The following MRTFA variants were observed in gnomAD, a reference collection of about 807,000 sequenced individuals.
MRTFA encodes the protein myocardin related transcription factor A.
A neutral mutation model predicts 83.5 loss-of-function variants in MRTFA; 20 were observed. The ratio of observed to expected loss-of-function variants is 0.24; its 90% CI spans 0.17 to 0.35. The LOEUF is 0.35. Among genes scored for constraint, MRTFA ranks in the 10% least tolerant of loss-of-function variants. MRTFA has a pLI of 1.00. For synonymous variants in MRTFA, 659 were observed against 541.2 expected (o/e 1.22, Z -3.02); for missense variants, 1,200 against 1,224.7 (o/e 0.98, Z 0.30).
intron 1 of MRTFA, among the ~76,000 whole-genome samples, chr22:40,636,176 G>A (rs1316777305): frequency 6.6e-6 from 1 of 152,174 alleles, no homozygotes; most frequent in Non-Finnish European, 1.5e-5. Flanking sequence ...AGAAGCGAGG[G>A]CGAGGACCTC....
chr22:40,485,110 A>G (rs2054154304), intron 3 of MRTFA, among the ~76,000 whole-genome samples: 1 of 152,122 alleles, frequency 6.6e-6, no homozygotes, highest in African/African-American at 2.4e-5. Context: ...AAAGTGATCA[A>G]ATAATTCCTC....
At chr22:40,459,154 C>A (rs140187044) in intron 4 of MRTFA, among the ~76,000 whole-genome samples, 3 of 135,688 alleles carry the variant, frequency 2.2e-5, no homozygotes, top group Admixed American at 8.0e-5. Flanking sequence ...GGTGTTGGGG[C>A]GGCAGAGGAT....
intron 4 of MRTFA, among the ~76,000 whole-genome samples, chr22:40,454,784 T>C (rs1037791744): frequency 3.3e-5 from 5 of 152,178 alleles, no homozygotes; most frequent in Non-Finnish European, 7.3e-5. Context: ...TTCGTATGCA[T>C]GTATGTATAT....
chr22:40,485,308 T>C (rs148499728), intron 3 of MRTFA, among the ~76,000 whole-genome samples: 1 of 152,168 alleles, frequency 6.6e-6, no homozygotes. Context: ...AAAAATGAAT[T>C]TGATTTGTTT....
In MRTFA at chr22:40,424,373, C is replaced by T; in HGVS notation, c.610G>A (p.Val204Met). 6.2e-7 allele frequency: 1 copy of T among 1,613,268 alleles called. No homozygotes were observed. The highest frequency in any genetic ancestry group is 8.5e-7 in the Non-Finnish European group (1 of 1,179,626). The change falls in exon 8 of 15, where the codon GTG (valine) becomes ATG (methionine). Residue 204 changes from valine to methionine, a missense_variant. Val to Met is a conservative substitution (Grantham distance 21). This residue lies in a region of MRTFA where 93 missense variants were observed against 182.9 expected (regional missense o/e 0.51). Coordinates refer to ENST00000355630, the MANE Select transcript of MRTFA (RefSeq NM_020831.6). ...CTGTCTGCTACTTTGGGATAGTTCA[C>T]CTGGCCCACTGAAACCCAAAGCTGG...
intron 2 of MRTFA, among the ~76,000 whole-genome samples, chr22:40,581,185 A>AGACTG (rs2055941633): frequency 6.6e-6 from 1 of 152,004 alleles, no homozygotes. Flanking sequence ...TGATTTGTCC[A>AGACTG]TTCTGACTGT....
chr22:40,535,321 T>C (rs1229996547), intron 3 of MRTFA, among the ~76,000 whole-genome samples: 1 of 151,630 alleles, frequency 6.6e-6, no homozygotes, highest in Admixed American at 6.6e-5. Context: ...ATGTGGGCTG[T>C]ATAATTTGCT....
Position 40,492,298 on chromosome 22 carries a change from T to C in MRTFA, c.242-29012A>G, listed in dbSNP as rs528939615. On this transcript the variant is annotated intron_variant, in intron 3 of 14. Coordinates refer to ENST00000355630, the MANE Select transcript of MRTFA (RefSeq NM_020831.6). ...TGCAAGAACAGTTAGATCCCAAGTTTACTTAGGGAGTGGGGCATTAAAAGC... is the reference window on the plus strand; with the variant it reads ...TGCAAGAACAGTTAGATCCCAAGTTCACTTAGGGAGTGGGGCATTAAAAGC... 5.9e-5 allele frequency among the ~76,000 whole-genome samples: 9 copies of C among 152,350 alleles called. 1 individual carries two copies. In the Middle Eastern group the frequency reaches 0.014, roughly 230 times the overall value.
At chr22:40,550,966 C>T (rs1210562892) in intron 3 of MRTFA, among the ~76,000 whole-genome samples, 3 of 151,580 alleles carry the variant, frequency 2.0e-5, no homozygotes, top group Non-Finnish European at 4.4e-5. Flanking sequence ...GTTCTCCTGC[C>T]TCAGCCTCCC....
At chr22:40,418,264 G>A in intron 12 of MRTFA, 110 bp downstream of exon 12, 4 of 1,505,584 alleles carry the variant, frequency 2.7e-6, no homozygotes, top group Non-Finnish European at 3.5e-6. Flanking sequence ...ATTAAATGAA[G>A]CAAACACAAA....
intron 3 of MRTFA, among the ~76,000 whole-genome samples, chr22:40,518,127 A>C (rs1465422952): frequency 1.3e-5 from 2 of 152,150 alleles, no homozygotes; most frequent in Non-Finnish European, 2.9e-5. Context: ...CCTTTATAAT[A>C]AATTGACAAA....
chr22:40,579,813 C>T (rs919252633), intron 2 of MRTFA, among the ~76,000 whole-genome samples: 4 of 150,278 alleles, frequency 2.7e-5, no homozygotes, highest in Admixed American at 6.7e-5. Flanking sequence ...TGAGCCAAGA[C>T]GGCGCCATTG....
chr22:40,514,411 C>CTT (rs2054721430), intron 3 of MRTFA, among the ~76,000 whole-genome samples: 1 of 151,046 alleles, frequency 6.6e-6, no homozygotes, highest in South Asian at 2.1e-4. Flanking sequence ...AATCATGTTT[C>CTT]TTAAAATGAA....
At position 40,504,219 on chromosome 22, in the gene MRTFA, C is replaced by T. The variant is rs559509404; in HGVS notation, c.242-40933G>A. On this transcript the variant is annotated intron_variant, in intron 3 of 14. Coordinates refer to ENST00000355630, the MANE Select transcript of MRTFA (RefSeq NM_020831.6). ...CCTAGACTTCTCAAATTTCTTAAGA[C>T]TCAAGTTCTTGTAGCTGGGCATAGT... 4.6e-5 allele frequency among the ~76,000 whole-genome samples: 7 copies of T among 152,222 alleles called. No individual in the cohort carries two copies. In the South Asian group the frequency reaches 1.2e-3, roughly 27 times the overall value.
At chr22:40,571,880 C>T (rs1387451641) in intron 2 of MRTFA, among the ~76,000 whole-genome samples, 1 of 139,044 alleles carries the variant, frequency 7.2e-6, no homozygotes, top group Non-Finnish European at 1.5e-5. Context: ...GCCGAGATCA[C>T]GCCACTGCAC....
intron 6 of MRTFA, among the ~76,000 whole-genome samples, chr22:40,431,037 T>TATTTTAAAACTTTTAAAAAAAACTAA (rs1283870806): frequency 1.2e-4 from 19 of 152,218 alleles, no homozygotes; most frequent in African/African-American, 4.6e-4. Context: ...ACTAAGTAAG[T>TATTTTAAAACTTTTAAAAAAAACTAA]GTATTTTAAA....
intron 4 of MRTFA, 66 bp from the exon 5 acceptor site, chr22:40,435,620 A>G: frequency 6.4e-7 from 1 of 1,553,394 alleles, no homozygotes; most frequent in South Asian, 1.1e-5. Context: ...TACGATATTC[A>G]GTGGAGAAGG....
chr22:40,581,891 C>T lies in MRTFA; in HGVS notation c.-22+12783G>A, dbSNP rs187374572. Reference sequence around the variant, plus strand: ...ATCTTACCTATACAGATAATTTGGTCTTACTTGTTAGATAATAGCTTTACT... The same window carrying T: ...ATCTTACCTATACAGATAATTTGGTTTTACTTGTTAGATAATAGCTTTACT... On this transcript the variant is annotated intron_variant, in intron 2 of 14. Transcript: ENST00000355630. Among the ~76,000 whole-genome samples, 3 of 152,280 alleles carry T rather than the reference C, an allele frequency of 2.0e-5. No individual in the cohort carries two copies. The East Asian group carries it at 5.8e-4, about 29-fold the overall frequency.
intron 3 of MRTFA, among the ~76,000 whole-genome samples, chr22:40,544,190 TAA>T (rs971545081): frequency 1.3e-5 from 2 of 152,238 alleles, no homozygotes. Flanking sequence ...TCATAAACTA[TAA>T]AAGACTCATA....
Sources: gnomAD v4.1 joint callset for allele counts (sites outside exome capture counted in the v4.1 genomes callset) on GRCh38, gnomAD v4.1.1 for gene constraint, gnomAD v4.1.1 regional missense constraint, MANE v1.5 for transcripts, NCBI Gene and HGNC (gene_info 2026-07-23, HGNC 2026-07-21) for gene names.